The following ALPL variants were observed in gnomAD, a reference collection of about 807,000 sequenced individuals.
ALPL encodes alkaline phosphatase, tissue-nonspecific isozyme.
A neutral mutation model predicts 51.3 loss-of-function variants in ALPL; 42 were observed. The ratio of observed to expected loss-of-function variants is 0.82; its 90% confidence interval spans 0.64 to 1.06. The LOEUF is 1.06. Among genes scored for constraint, ALPL ranks in the 50% least tolerant of loss-of-function variants. The pLI, the probability that ALPL is intolerant of heterozygous loss-of-function variation, is 0.00. For synonymous variants in ALPL, 279 were observed against 296.4 expected, an observed-to-expected ratio of 0.94 and a Z score of 0.60; for missense variants, 589 against 709.4, an observed-to-expected ratio of 0.83 and a Z score of 1.93.
intron 5 of ALPL, 152 bp from the exon 6 acceptor site, chr1:21,563,889 A>G: frequency 2.0e-6 from 2 of 986,402 alleles, no homozygotes; most frequent in Admixed American, 4.3e-5. Flanking sequence ...ACTGCCAGAC[A>G]CCTGCTGCTG....
intron 1 of ALPL, among the ~76,000 whole-genome samples, chr1:21,540,258 C>T (rs1404478987): frequency 6.6e-6 from 1 of 152,196 alleles, no homozygotes; most frequent in Non-Finnish European, 1.5e-5. Context: ...AGGCCCCAGG[C>T]ATGGTGTCTC....
rs1163826447 is a variant in ALPL at position 21,515,867 on chromosome 1, TG to T, written c.-105+6351del. ...TGTTTGTTTGTCTGTTTTGTTTGTT[TG>T]TTTTGTTGTTGTTGTTTTTTGAGAC... is the stretch of plus-strand genomic sequence containing the variant. On this transcript the variant is annotated intron_variant, in intron 1 of 11. Transcript: ENST00000374840. Among the ~76,000 whole-genome samples the T allele has an allele frequency of 4.5e-4, 11 of 24,602 alleles. No individual in the cohort carries two copies. In the East Asian group the frequency reaches 4.9e-3, roughly 11 times the overall value. 16.1% of individuals were successfully genotyped at this position (24,602 alleles called of 152,430 possible).
intron 1 of ALPL, among the ~76,000 whole-genome samples, chr1:21,540,450 G>T (rs1644168021): frequency 6.6e-6 from 1 of 152,210 alleles, no homozygotes; most frequent in African/African-American, 2.4e-5. Context: ...GACCCTCAGG[G>T]TTTCTGATTC....
At chr1:21,522,362 CTG>C (rs1367157586) in intron 1 of ALPL, among the ~76,000 whole-genome samples, 7 of 152,236 alleles carry the variant, frequency 4.6e-5, no homozygotes, top group Non-Finnish European at 7.3e-5. Flanking sequence ...GCGTGAGCCA[CTG>C]CACCCGGCCA....
intron 2 of ALPL, among the ~76,000 whole-genome samples, chr1:21,554,942 TTTCC>T (rs1644393759): frequency 6.6e-6 from 1 of 151,108 alleles, no homozygotes. Flanking sequence ...TTTCTTTTTC[TTTCC>T]TTTCTTTCCT....
chr1:21,528,629 C>G (rs181774000), intron 1 of ALPL, among the ~76,000 whole-genome samples: 5 of 151,886 alleles, frequency 3.3e-5, no homozygotes, highest in Non-Finnish European at 5.9e-5. Context: ...GGATTACAGA[C>G]GTGAGCCTCC....
intron 9 of ALPL, among the ~76,000 whole-genome samples, chr1:21,575,077 G>A (rs903879783): frequency 6.6e-6 from 1 of 152,212 alleles, no homozygotes; most frequent in Admixed American, 6.5e-5. Flanking sequence ...TTCAGGCTTC[G>A]GCAGGGCTTT....
In ALPL at chr1:21,576,267, ATGGG is replaced by A. The variant is rs1558557899; in HGVS notation, c.1190-251_1190-248del. On this transcript the variant is annotated intron_variant, in intron 10 of 11. Coordinates refer to ENST00000374840, the MANE Select transcript of ALPL (RefSeq NM_000478.6). ...GGATGGATGGATGATGGATGGATGG[ATGGG>A]TGGATGGATGGATGGGTGGATGGAT... Among the ~76,000 whole-genome samples, 7,933 of 36,972 alleles carry A rather than the reference ATGGG, an allele frequency of 0.21. 290 individuals are homozygous for A. The highest frequency in any genetic ancestry group is 0.28 in the Non-Finnish European group (5,331 of 18,792). 24.3% of individuals were successfully genotyped at this position (36,972 alleles called of 152,430 possible).
intron 1 of ALPL, among the ~76,000 whole-genome samples, chr1:21,547,352 C>T (rs773017131): frequency 2.6e-5 from 4 of 152,252 alleles, no homozygotes; most frequent in South Asian, 2.1e-4. Flanking sequence ...CTAGTGTGAC[C>T]GAGTGTGTGC....
chr1:21,564,534 A>G lies in ALPL; in HGVS notation c.648+318A>G, dbSNP rs750020383. On this transcript the variant is annotated intron_variant, in intron 6 of 11. Coordinates refer to ENST00000374840, the MANE Select transcript of ALPL (RefSeq NM_000478.6). The surrounding 1 kb of genome is among the most constrained non-coding windows in gnomAD (Gnocchi z 5.8). ...ACTACACGGGAGGTGGTGATGGCCAAGTGTCGTCTGCCTGCCCTGCGTATT... is the reference window on the plus strand; with the variant it reads ...ACTACACGGGAGGTGGTGATGGCCAGGTGTCGTCTGCCTGCCCTGCGTATT... Among the ~76,000 whole-genome samples the G allele has an allele frequency of 7.9e-5, 12 of 152,164 alleles. No homozygotes were observed. Among genetic ancestry groups the G allele is most frequent in the Admixed American group, 7.2e-4 (11 of 15,274 alleles).
At chr1:21,525,726 G>C (rs534617715) in intron 1 of ALPL, among the ~76,000 whole-genome samples, 2 of 152,290 alleles carry the variant, frequency 1.3e-5, no homozygotes, top group African/African-American at 4.8e-5. Flanking sequence ...CGCGGCTCAC[G>C]CCTGTAGTCC....
At chr1:21,541,578 C>T (rs1570227041) in intron 1 of ALPL, among the ~76,000 whole-genome samples, 1 of 152,372 alleles carries the variant, frequency 6.6e-6, no homozygotes, top group South Asian at 2.1e-4. Context: ...GATTCCAGCT[C>T]CCTAGGAGCT....
At chr1:21,514,246 CTAGCTGGGGACAGGCA>C (rs966447276) in intron 1 of ALPL, among the ~76,000 whole-genome samples, 7 of 152,098 alleles carry the variant, frequency 4.6e-5, no homozygotes, top group Non-Finnish European at 1.0e-4. Flanking sequence ...AGCCCAGGGT[CTAGCTGGGGACAGGCA>C]TCGCTGGGTA....
intron 1 of ALPL, among the ~76,000 whole-genome samples, chr1:21,519,210 GC>G (rs1049954072): frequency 8.5e-5 from 13 of 152,200 alleles, no homozygotes; most frequent in African/African-American, 3.1e-4. Context: ...CCAGAAACCT[GC>G]CTCTCCCTTG....
intron 1 of ALPL, among the ~76,000 whole-genome samples, chr1:21,537,322 C>G (rs1644121990): frequency 6.6e-6 from 1 of 152,344 alleles, no homozygotes; most frequent in South Asian, 2.1e-4. Context: ...GGGCTGCCCC[C>G]ACTGATCTCA....
intron 2 of ALPL, among the ~76,000 whole-genome samples, chr1:21,556,234 G>C (rs1018793277): frequency 1.3e-5 from 2 of 152,138 alleles, no homozygotes; most frequent in Non-Finnish European, 2.9e-5. Context: ...ACTTAGACCT[G>C]GCTCAGATTT....
chr1:21,558,493 T>C (rs1644442451), intron 2 of ALPL, among the ~76,000 whole-genome samples: 1 of 152,256 alleles, frequency 6.6e-6, no homozygotes, highest in Admixed American at 6.5e-5. Flanking sequence ...GCCCCGGCCT[T>C]GCCCAGACTT....
intron 1 of ALPL, among the ~76,000 whole-genome samples, chr1:21,516,343 C>G (rs1289924924): frequency 6.6e-6 from 1 of 152,214 alleles, no homozygotes; most frequent in East Asian, 1.9e-4. Flanking sequence ...TCCACTCCTT[C>G]TGAGCCCTTC....
At chr1:21,565,624 G>C (rs1037632982) in intron 6 of ALPL, among the ~76,000 whole-genome samples, 1 of 151,218 alleles carries the variant, frequency 6.6e-6, no homozygotes, top group South Asian at 2.1e-4. Flanking sequence ...AGGAGGGGGG[G>C]CCGCAGGGGC....
Sources: gnomAD v4.1 joint callset for allele counts (sites outside exome capture counted in the v4.1 genomes callset) on GRCh38, gnomAD v4.1.1 for gene constraint, Gnocchi (gnomAD v3.1) non-coding constraint, MANE v1.5 for transcripts, NCBI Gene and HGNC (gene_info 2026-07-23, HGNC 2026-07-21) for gene names.